ANKRD17: variants seen among roughly 807,000 people sequenced by gnomAD.
ANKRD17 encodes ankyrin repeat domain 17.
In ANKRD17, 19 loss-of-function variants were observed where a neutral mutation model predicts 229.7. That is an observed-to-expected ratio of 0.08 (90% CI 0.06 to 0.12). The LOEUF (loss-of-function observed/expected upper bound fraction) is 0.12. Ranked by LOEUF, ANKRD17 falls within the 10% of genes least tolerant of loss-of-function variation. The pLI, the probability that ANKRD17 is intolerant of heterozygous loss-of-function variation, is 1.00. For synonymous variants in ANKRD17, 1,112 were observed against 1,146.1 expected, an observed-to-expected ratio of 0.97 and a Z score of 0.60; for missense variants, 2,176 against 3,176.8, an observed-to-expected ratio of 0.68 and a Z score of 7.57.
chr4:73,088,565 T>C (rs1158991372), intron 29 of ANKRD17, among the ~76,000 whole-genome samples: 1 of 152,186 alleles, frequency 6.6e-6, no homozygotes, highest in Non-Finnish European at 1.5e-5. Context: ...AAATTCCAAC[T>C]ACTATAAAAA....
intron 1 of ANKRD17, among the ~76,000 whole-genome samples, chr4:73,215,886 T>C (rs575812010): frequency 1.2e-4 from 18 of 152,302 alleles, no homozygotes; most frequent in Admixed American, 3.3e-4. Context: ...GACCAAATAA[T>C]GTATCACAAT....
At chr4:73,179,448 C>A (rs1301447360) in intron 1 of ANKRD17, among the ~76,000 whole-genome samples, 4 of 100,854 alleles carry the variant, frequency 4.0e-5, no homozygotes, top group South Asian at 3.1e-4. Context: ...GTATATATAT[C>A]TGTGTATATA....
At chr4:73,155,466 G>T (rs1020920268) in intron 5 of ANKRD17, among the ~76,000 whole-genome samples, 165 bp downstream of exon 5, 115 of 152,298 alleles carry the variant, frequency 7.6e-4, no homozygotes, top group East Asian at 5.8e-4. Flanking sequence ...AATATCATTT[G>T]AAATATATTC....
chr4:73,124,385 A>G (rs770971313), intron 18 of ANKRD17, among the ~76,000 whole-genome samples: 21 of 151,900 alleles, frequency 1.4e-4, no homozygotes, highest in Non-Finnish European at 2.9e-4. Flanking sequence ...AATCTCTATC[A>G]GTTGTTCTAG....
chr4:73,113,093 CCT>C (rs1725520721), intron 24 of ANKRD17: 3 of 1,184,392 alleles, frequency 2.5e-6, no homozygotes, highest in Non-Finnish European at 3.2e-6. Context: ...CAGCCACTGA[CCT>C]TTTTATAAAA....
At position 73,139,770 on chromosome 4, in the gene ANKRD17, C is replaced by G; in HGVS notation, c.2846G>C (p.Gly949Ala). The part of the protein sequence containing the change: ...DEPQQTAAQM[G>A]FAPIQPLAMP... ...CGCCAGAGGCTGGATTGGCGCAAAA[C>G]CCATCTGAGCAGCAGTCTGCTGGGG... Residue 949 changes from glycine to alanine, a missense_variant, in exon 15 of 34, where the codon GGT (glycine) becomes GCT (alanine). Gly to Ala is a moderately conservative substitution (Grantham distance 60). Around this residue, in one of 18 missense-constraint regions of ANKRD17, gnomAD observed 230 missense variants for 252.3 expected, o/e 0.91. Transcript: ENST00000358602. 6.2e-7 allele frequency: 1 copy of G among 1,614,198 alleles called. No homozygotes were observed. Among genetic ancestry groups the G allele is most frequent in the Non-Finnish European group, 8.5e-7 (1 of 1,180,030 alleles).
chr4:73,135,836 T>C (rs1728829778), intron 15 of ANKRD17, among the ~76,000 whole-genome samples: 1 of 152,156 alleles, frequency 6.6e-6, no homozygotes. Flanking sequence ...TATTCAAATA[T>C]AAAAATTTAT....
At chr4:73,175,865 T>C (rs908438693) in intron 2 of ANKRD17, among the ~76,000 whole-genome samples, 13 of 151,974 alleles carry the variant, frequency 8.6e-5, no homozygotes, top group Non-Finnish European at 1.9e-4. Flanking sequence ...AAAGGAAACA[T>C]TGGGGAAACT....
intron 24 of ANKRD17, among the ~76,000 whole-genome samples, chr4:73,108,463 T>G (rs1409916921): frequency 6.6e-6 from 1 of 152,048 alleles, no homozygotes; most frequent in Non-Finnish European, 1.5e-5. Context: ...TCAAAAGGCT[T>G]TTCGCTAAAA....
chr4:73,120,730 G>C, intron 20 of ANKRD17, 151 bp downstream of exon 20: 1 of 665,420 alleles, frequency 1.5e-6, no homozygotes, highest in South Asian at 2.4e-5. Context: ...GTTAATGTTT[G>C]ACTGAGTTAT....
Position 73,177,452 on chromosome 4 carries a change from C to T in ANKRD17, c.475G>A (p.Ala159Thr), listed in dbSNP as rs1322647504. The T allele has an allele frequency of 6.2e-7, 1 of 1,613,742 alleles. No homozygotes were observed. The part of the protein sequence containing the change: ...TASKLLLSGT[A>T]DGADLRTVDP... Reference sequence around the variant, plus strand: ...ACTGTCCTGAGGTCTGCACCATCAGCAGTACCTGATAAGAGCAACTTGGAA... The same window carrying T: ...ACTGTCCTGAGGTCTGCACCATCAGTAGTACCTGATAAGAGCAACTTGGAA... Residue 159 changes from alanine to threonine, a missense_variant, in exon 2 of 34, where the codon GCT becomes ACT. By Grantham distance (58) the Ala-to-Thr change is moderately conservative. This residue lies in a region of ANKRD17 where 184 missense variants were observed against 357.8 expected (regional missense o/e 0.51). Coordinates refer to ENST00000358602, the MANE Select transcript of ANKRD17 (RefSeq NM_032217.5).
intron 1 of ANKRD17, among the ~76,000 whole-genome samples, chr4:73,188,594 AAAAAG>A (rs1190708194): frequency 2.0e-5 from 3 of 152,204 alleles, no homozygotes; most frequent in Non-Finnish European, 4.4e-5. Context: ...AAAAAAAACA[AAAAAG>A]AAAAGAAAAA....
chr4:73,093,788 A>G (rs533787452), intron 28 of ANKRD17, among the ~76,000 whole-genome samples: 1 of 152,344 alleles, frequency 6.6e-6, no homozygotes, highest in South Asian at 2.1e-4. Flanking sequence ...AAAGTCTCAG[A>G]ACAAATTTTT....
rs746041277 is a variant in ANKRD17, at chr4:73,078,730, C to T, written c.7320G>A (p.Thr2440=). 1.1e-5 allele frequency: 18 copies of T among 1,613,998 alleles called. No individual in the cohort carries two copies. The highest frequency in any genetic ancestry group is 3.3e-5 in the Admixed American group (2 of 59,988). ...TGCTCCCAATAACAGATGGAGCTGA[C>T]GTTCCAGTTTGCCTGATACGTGCAG... The part of the protein sequence containing the change: ...ERSARIRQTG[T]SAPSVIGSNL... The change falls in exon 31 of 34, where the codon ACG becomes ACA. Residue 2440 remains threonine, a synonymous_variant. Coordinates refer to ENST00000358602, the MANE Select transcript of ANKRD17 (RefSeq NM_032217.5).
chr4:73,200,443 A>G (rs1203311348), intron 1 of ANKRD17, among the ~76,000 whole-genome samples: 1 of 152,150 alleles, frequency 6.6e-6, no homozygotes, highest in East Asian at 1.9e-4. Flanking sequence ...TAAAACAACA[A>G]CAACAAAACT....
At chr4:73,183,474 G>A (rs1172680134) in intron 1 of ANKRD17, among the ~76,000 whole-genome samples, 3 of 151,920 alleles carry the variant, frequency 2.0e-5, no homozygotes, top group Non-Finnish European at 4.4e-5. Flanking sequence ...TTTTTTTTGA[G>A]ACAGGGTCTC....
At position 73,091,099 on chromosome 4, in the gene ANKRD17, C is replaced by T. The variant is rs1463068228; in HGVS notation, c.6529G>A (p.Ala2177Thr). 3.7e-6 allele frequency: 6 copies of T among 1,614,016 alleles called. No homozygotes were observed. In the African/African-American group the frequency reaches 6.7e-5, roughly 18 times the overall value. ...PQPTPKMETP[A>T]IRPPPHGTTA... is the part of the protein sequence containing the mutation. ...GTGCCATGAGGGGGTGGTCTAATAGCAGGGGTTTCCATTTTAGGAGTAGGC... is the reference window on the plus strand; with the variant it reads ...GTGCCATGAGGGGGTGGTCTAATAGTAGGGGTTTCCATTTTAGGAGTAGGC... Residue 2177 changes from alanine to threonine, a missense_variant, in exon 29 of 34, where the codon GCT becomes ACT. Transcript: ENST00000358602.
rs542918441 is a variant in ANKRD17 at position 73,151,875 on chromosome 4, A to T, written c.1235-351T>A. On this transcript the variant is annotated intron_variant, in intron 6 of 33. Transcript: ENST00000358602. ...GCTACGGAATAAATCAGTTTTCATG[A>T]ACTAGTAGCCTGAGATAATGATCAG... Among the ~76,000 whole-genome samples the T allele has an allele frequency of 9.2e-5, 14 of 152,308 alleles. No homozygotes were observed. In the South Asian group the frequency reaches 1.7e-3, roughly 18 times the overall value.
At chr4:73,158,139 A>AAAGG (rs1731940814) in intron 3 of ANKRD17, among the ~76,000 whole-genome samples, 1 of 142,820 alleles carries the variant, frequency 7.0e-6, no homozygotes, top group Non-Finnish European at 1.5e-5. Flanking sequence ...AAGGAGAAAG[A>AAAGG]AAGAAAGGAA....
Sources: gnomAD v4.1 joint callset for allele counts (sites outside exome capture counted in the v4.1 genomes callset) on GRCh38, gnomAD v4.1.1 for gene constraint, gnomAD v4.1.1 regional missense constraint, MANE v1.5 for transcripts, NCBI Gene and HGNC (gene_info 2026-07-23, HGNC 2026-07-21) for gene names.